Variants in HSD17B12 observed in about 807,000 individuals in gnomAD.
The protein encoded by HSD17B12 is hydroxysteroid 17-beta dehydrogenase 12.
In HSD17B12, 32 loss-of-function variants were observed where a neutral mutation model predicts 39.3. The observed-to-expected ratio is 0.81, with a 90% CI of 0.61 to 1.09. HSD17B12 has a LOEUF of 1.09. Among genes scored for constraint, HSD17B12 ranks in the 50% least tolerant of loss-of-function variants. HSD17B12 has a pLI of 0.00. For missense variants in HSD17B12, 342 were observed against 382.9 expected (o/e 0.89, Z 0.89); for synonymous variants, 150 against 146.7 (o/e 1.02, Z -0.16).
chr11:43,791,213 G>A (rs1590303382), intron 3 of HSD17B12, among the ~76,000 whole-genome samples: 1 of 152,112 alleles, frequency 6.6e-6, no homozygotes, highest in African/African-American at 2.4e-5. Flanking sequence ...TAGCATCTTG[G>A]AATCTTAAGT....
chr11:43,823,400 A>T (rs999759028), intron 6 of HSD17B12, among the ~76,000 whole-genome samples: 43 of 151,896 alleles, frequency 2.8e-4, no homozygotes, highest in Admixed American at 2.8e-3. Context: ...CCTCCTGAGT[A>T]GTTAGGACTA....
chr11:43,656,222 G>A, the HSD17B12 span, among the ~76,000 whole-genome samples: 1 of 152,160 alleles, frequency 6.6e-6, no homozygotes, highest in Non-Finnish European at 1.5e-5. Flanking sequence ...TCTGATGGTA[G>A]TTTGTATTTC....
At chr11:43,679,328 T>A (rs1949719557), upstream of HSD17B12, among the ~76,000 whole-genome samples, 2 of 152,158 alleles carry the variant, frequency 1.3e-5, no homozygotes, top group Admixed American at 1.3e-4. Context: ...TTCAACATAG[T>A]GTTGGAAGTT....
chr11:43,594,985 G>A, the HSD17B12 span, among the ~76,000 whole-genome samples: 5 of 152,056 alleles, frequency 3.3e-5, no homozygotes, highest in Non-Finnish European at 7.4e-5. Flanking sequence ...TACATTTGAG[G>A]CCCATTATTA....
At chr11:43,628,898 G>A in the HSD17B12 span, among the ~76,000 whole-genome samples, 3 of 151,886 alleles carry the variant, frequency 2.0e-5, no homozygotes. Flanking sequence ...GCATTTGATT[G>A]CTTAATCAAA....
intron 3 of HSD17B12, among the ~76,000 whole-genome samples, chr11:43,782,046 C>T (rs771132933): frequency 9.2e-5 from 14 of 152,132 alleles, no homozygotes; most frequent in Non-Finnish European, 1.9e-4. Flanking sequence ...GCATTTGATA[C>T]ACTTTCTGGG....
chr11:43,650,082 C>G, the HSD17B12 span, among the ~76,000 whole-genome samples: 1 of 152,064 alleles, frequency 6.6e-6, no homozygotes, highest in South Asian at 2.1e-4. Flanking sequence ...AAATCATGAG[C>G]CAAATAAAAT....
chr11:43,697,591 C>G (rs935612725), intron 1 of HSD17B12, among the ~76,000 whole-genome samples: 2 of 152,178 alleles, frequency 1.3e-5, no homozygotes, highest in African/African-American at 4.8e-5. Context: ...GGGCTTTGAA[C>G]TGAAGTCTGT....
the HSD17B12 span, among the ~76,000 whole-genome samples, chr11:43,610,770 A>T: frequency 1.3e-5 from 2 of 152,194 alleles, no homozygotes; most frequent in African/African-American, 4.8e-5. Flanking sequence ...TGGCATTTTT[A>T]AAAAATCATT....
chr11:43,683,513 T>C (rs1056442185), intron 1 of HSD17B12, among the ~76,000 whole-genome samples: 11 of 152,162 alleles, frequency 7.2e-5, no homozygotes, highest in African/African-American at 2.7e-4. Flanking sequence ...AACAGGTTCT[T>C]CACATGAGTT....
intron 3 of HSD17B12, among the ~76,000 whole-genome samples, chr11:43,766,438 G>A (rs943220376): frequency 6.6e-6 from 1 of 152,230 alleles, no homozygotes; most frequent in Non-Finnish European, 1.5e-5. Context: ...GTCCATTTTT[G>A]TTCAGGCTGG....
At chr11:43,680,425 A>G (rs1028355482), upstream of HSD17B12, 5 of 228,678 alleles carry the variant, frequency 2.2e-5, no homozygotes, top group Non-Finnish European at 4.5e-5. Flanking sequence ...CTCTGATCCC[A>G]TTTCCTCTTC....
chr11:43,689,863 A>C (rs1949836469), intron 1 of HSD17B12, among the ~76,000 whole-genome samples: 1 of 151,878 alleles, frequency 6.6e-6, no homozygotes, highest in Non-Finnish European at 1.5e-5. Flanking sequence ...CAAGGCTTTA[A>C]ACCACCTGCT....
intron 1 of HSD17B12, among the ~76,000 whole-genome samples, chr11:43,686,581 A>G (rs145605638): frequency 0.01 from 1,393 of 136,004 alleles, 5 homozygotes; most frequent in Non-Finnish European, 0.015. Flanking sequence ...ACTAGCCCCC[A>G]TTGCTCCCAC....
chr11:43,733,679 T>C (rs962340113), intron 1 of HSD17B12: 1 of 475,298 alleles, frequency 2.1e-6, no homozygotes, highest in East Asian at 5.2e-5. Flanking sequence ...CTTTAGTAAC[T>C]TTTAAAAAAA....
the HSD17B12 span, among the ~76,000 whole-genome samples, chr11:43,561,860 T>C: frequency 6.6e-6 from 1 of 152,170 alleles, no homozygotes; most frequent in African/African-American, 2.4e-5. Context: ...TGATTGACTG[T>C]TTACAAATGA....
chr11:43,845,846 C>T (rs1230306681), intron 9 of HSD17B12, among the ~76,000 whole-genome samples: 1 of 152,190 alleles, frequency 6.6e-6, no homozygotes, highest in East Asian at 1.9e-4. Context: ...TATTTTGGCC[C>T]TTATCAAAAT....
At chr11:43,655,919 T>A in the HSD17B12 span, among the ~76,000 whole-genome samples, 2 of 152,222 alleles carry the variant, frequency 1.3e-5, no homozygotes, top group African/African-American at 4.8e-5. Flanking sequence ...GCTGGCCTCA[T>A]AAAATGAGTT....
At chr11:43,654,882 C>T in the HSD17B12 span, among the ~76,000 whole-genome samples, 185 of 152,092 alleles carry the variant, frequency 1.2e-3, no homozygotes, top group Non-Finnish European at 1.9e-3. Flanking sequence ...AATGCGGGCT[C>T]TTTTTTGGTT....
Sources: allele counts gnomAD v4.1 joint callset (sites outside exome capture counted in the v4.1 genomes callset), GRCh38; gene constraint gnomAD v4.1.1; transcripts MANE v1.5; gene names NCBI Gene and HGNC (gene_info 2026-07-23, HGNC 2026-07-21).